Variants in RFX4 observed in about 807,000 individuals in gnomAD.
RFX4 encodes transcription factor RFX4.
A neutral mutation model predicts 95.0 loss-of-function variants in RFX4; 10 were observed. The ratio of observed to expected loss-of-function variants is 0.11; its 90% confidence interval spans 0.06 to 0.18. The LOEUF is 0.18. RFX4 is among the 10% of genes least tolerant of loss of function. The probability of loss-of-function intolerance (pLI) is 1.00; values close to 1 mark genes in which losing one functional copy is unlikely to be tolerated. For synonymous variants in RFX4, 321 were observed against 340.7 expected (o/e 0.94, Z 0.64); for missense variants, 640 against 922.0 (o/e 0.69, Z 3.96).
Position 106,720,937 on chromosome 12 carries a change from A to G in RFX4, c.1351+61A>G, listed in dbSNP as rs946287260. The G allele has an allele frequency of 3.4e-5, 48 of 1,418,162 alleles. No homozygotes were observed. Among genetic ancestry groups the G allele is most frequent in the Non-Finnish European group, 4.5e-5 (45 of 1,004,072 alleles). The allele number at this position is 1,418,162 out of a possible 1,614,324, so 87.8% of individuals were successfully genotyped here. A position where few individuals can be genotyped will look rare whatever the true frequency, so the allele number is the denominator to read the frequency against. ...TTTTTCCTCTGGGCACGGAGCCCAGAGGAATCTACCACAGTCTAACTTGCT... is the reference window on the plus strand; with the variant it reads ...TTTTTCCTCTGGGCACGGAGCCCAGGGGAATCTACCACAGTCTAACTTGCT... On this transcript the variant is annotated intron_variant, in intron 13 of 17. Coordinates refer to ENST00000392842, the MANE Select transcript of RFX4 (RefSeq NM_213594.3). The surrounding 1 kb of genome is among the most constrained non-coding windows in gnomAD (Gnocchi z 4.2).
In RFX4 at chr12:106,593,035, G is replaced by T. The variant is rs1033837297; in HGVS notation, c.43+9672G>T. 2.6e-5 allele frequency among the ~76,000 whole-genome samples: 4 copies of T among 152,266 alleles called. No homozygotes were observed. In the East Asian group the frequency reaches 7.7e-4, roughly 29 times the overall value. ...CCGGGAGATTACGGAGTTTATGTGT[G>T]TCATATCCCACCCTCAAGGCAGGAA... On this transcript the variant is annotated intron_variant, in intron 1 of 17. Coordinates refer to ENST00000392842, the MANE Select transcript of RFX4 (RefSeq NM_213594.3).
intron 1 of RFX4, among the ~76,000 whole-genome samples, chr12:106,605,310 T>C (rs1003547986): frequency 2.0e-5 from 3 of 152,206 alleles, no homozygotes; most frequent in African/African-American, 7.2e-5. Flanking sequence ...TTTTAAAGTA[T>C]ATAACATTGA....
chr12:106,741,859 ACT>A (rs1395505281), intron 15 of RFX4, among the ~76,000 whole-genome samples: 1 of 151,934 alleles, frequency 6.6e-6, no homozygotes. Context: ...TCAGGCATAG[ACT>A]CTCATAAGGA....
intron 4 of RFX4, among the ~76,000 whole-genome samples, chr12:106,675,155 G>A (rs947750876): frequency 4.6e-5 from 7 of 152,200 alleles, no homozygotes; most frequent in African/African-American, 1.4e-4. Context: ...TACTGGCCAG[G>A]CACCGTAGTT....
chr12:106,676,074 G>A (rs1339079366), intron 4 of RFX4, among the ~76,000 whole-genome samples: 1 of 152,148 alleles, frequency 6.6e-6, no homozygotes, highest in African/African-American at 2.4e-5. Flanking sequence ...GGAGGATATG[G>A]GTAGAATCAG....
intron 13 of RFX4, among the ~76,000 whole-genome samples, chr12:106,731,165 A>G (rs2042605743): frequency 6.6e-6 from 1 of 152,206 alleles, no homozygotes; most frequent in South Asian, 2.1e-4. Context: ...GATGGGAGAT[A>G]AAGGCTTGGC....
chr12:106,705,657 C>T (rs761343223), intron 8 of RFX4, among the ~76,000 whole-genome samples: 24 of 152,082 alleles, frequency 1.6e-4, no homozygotes, highest in Non-Finnish European at 2.8e-4. Flanking sequence ...TAAGCAAGGG[C>T]CTGAAGTGTT....
At chr12:106,659,567 G>A (rs948247264) in intron 4 of RFX4, among the ~76,000 whole-genome samples, 3 of 152,156 alleles carry the variant, frequency 2.0e-5, no homozygotes, top group Non-Finnish European at 4.4e-5. Context: ...GTTTTCATAC[G>A]ATTAAAGAGC....
rs377322013 is a variant in RFX4 at position 106,709,316 on chromosome 12, G to A, written c.834-14G>A. ...ACATGTGCAGCACTTAAAACTCATC[G>A]TTTCTTTTTCTAGCTTAACTCAGGT... On this transcript the variant is annotated splice_polypyrimidine_tract_variant and intron_variant, in intron 8 of 17. Coordinates refer to ENST00000392842, the MANE Select transcript of RFX4 (RefSeq NM_213594.3). The A allele has an allele frequency of 2.7e-5, 43 of 1,610,364 alleles. No homozygotes were observed. Among genetic ancestry groups the A allele is most frequent in the African/African-American group, 9.3e-5 (7 of 74,940 alleles).
At chr12:106,614,061 A>G (rs77527843) in intron 2 of RFX4, among the ~76,000 whole-genome samples, 2,044 of 152,300 alleles carry the variant, frequency 0.013, 53 homozygotes, top group African/African-American at 0.047. Flanking sequence ...TCATGGGTGA[A>G]TAGCATATGT....
intron 4 of RFX4, among the ~76,000 whole-genome samples, chr12:106,661,281 T>A (rs1299372506): frequency 6.6e-6 from 1 of 152,256 alleles, no homozygotes; most frequent in East Asian, 1.9e-4. Context: ...TAACACTGAC[T>A]CTATGCCAGT....
intron 15 of RFX4, among the ~76,000 whole-genome samples, chr12:106,739,313 A>G (rs2042766061): frequency 6.6e-6 from 1 of 152,210 alleles, no homozygotes; most frequent in South Asian, 2.1e-4. Flanking sequence ...TTGAGAATCA[A>G]GGCCAGTCAA....
At chr12:106,725,030 C>T (rs1460373304) in intron 13 of RFX4, among the ~76,000 whole-genome samples, 2 of 150,126 alleles carry the variant, frequency 1.3e-5, no homozygotes, top group Admixed American at 6.7e-5. Context: ...AAAAAAAAGC[C>T]ATAGCTGAGG....
chr12:106,651,006 A>T (rs138947847), intron 3 of RFX4, among the ~76,000 whole-genome samples: 47 of 152,212 alleles, frequency 3.1e-4, no homozygotes, highest in African/African-American at 1.1e-3. Flanking sequence ...TCTTCTGAAA[A>T]TAACATTTTT....
chr12:106,643,909 T>C (rs2040687640), intron 3 of RFX4, among the ~76,000 whole-genome samples: 1 of 152,236 alleles, frequency 6.6e-6, no homozygotes, highest in Non-Finnish European at 1.5e-5. Context: ...GACATGTGTG[T>C]GCATGTGTGC....
At chr12:106,630,414 A>G (rs765135505) in intron 2 of RFX4, among the ~76,000 whole-genome samples, 49 of 152,210 alleles carry the variant, frequency 3.2e-4, no homozygotes, top group Non-Finnish European at 5.9e-4. Flanking sequence ...CTCACAGCAA[A>G]TGCTGCCAAC....
chr12:106,651,667 C>T (rs765038949), intron 3 of RFX4, among the ~76,000 whole-genome samples: 20 of 152,150 alleles, frequency 1.3e-4, no homozygotes, highest in Non-Finnish European at 2.4e-4. Context: ...CAAGTGCCTA[C>T]AGGAGCCAGA....
At chr12:106,754,930 C>G (rs1343286332) in intron 17 of RFX4, among the ~76,000 whole-genome samples, 4 of 152,242 alleles carry the variant, frequency 2.6e-5, no homozygotes, top group Non-Finnish European at 4.4e-5. Context: ...TTATATCAGT[C>G]TCTACCCAGG....
intron 13 of RFX4, among the ~76,000 whole-genome samples, chr12:106,723,981 C>G (rs2042443435): frequency 6.6e-6 from 1 of 152,136 alleles, no homozygotes; most frequent in African/African-American, 2.4e-5. Context: ...ATTTACCTTT[C>G]TTTAGGTAAA....
Sources: allele counts gnomAD v4.1 joint callset (sites outside exome capture counted in the v4.1 genomes callset), GRCh38; gene constraint gnomAD v4.1.1; non-coding constraint Gnocchi (gnomAD v3.1); transcripts MANE v1.5; gene names NCBI Gene and HGNC (gene_info 2026-07-23, HGNC 2026-07-21).